The following RPA3 variants were observed in gnomAD, a reference collection of about 807,000 sequenced individuals.
RPA3 encodes the protein replication protein A3, also known as replication protein A 14 kDa subunit.
RPA3 carries 24 observed loss-of-function variants against 13.7 expected under a neutral mutation model. That is an observed-to-expected ratio of 1.75 (90% CI 1.27 to 2.46). The LOEUF (loss-of-function observed/expected upper bound fraction) is 2.46. Among genes scored for constraint, RPA3 ranks in the 30% most tolerant of loss-of-function variants. The pLI is 0.00. For missense variants in RPA3, 183 were observed against 151.0 expected (o/e 1.21, Z -1.11); for synonymous variants, 59 against 51.2 (o/e 1.15, Z -0.65).
At chr7:7,655,091 A>G (rs73048015) in intron 4 of RPA3, among the ~76,000 whole-genome samples, 17 of 152,288 alleles carry the variant, frequency 1.1e-4, no homozygotes, top group Admixed American at 2.0e-4. Flanking sequence ...AGTAACAGCA[A>G]TGATTCCAGA....
Position 7,636,941 on chromosome 7 carries a change from G to C in RPA3, c.*59C>G, listed in dbSNP as rs1784875782. ...AGAAATCTCTCCCTCAAACAAGAAG[G>C]GCTTCCTTTAATAGACTTTAATATA... On this transcript the variant is annotated 3_prime_UTR_variant, in exon 8 of 8. Coordinates refer to ENST00000223129, the MANE Select transcript of RPA3 (RefSeq NM_002947.5). 8.3e-7 allele frequency: 1 copy of C among 1,211,342 alleles called. No homozygotes were observed. The highest frequency in any genetic ancestry group is 1.2e-6 in the Non-Finnish European group (1 of 828,230). The allele number at this position is 1,211,342 out of a possible 1,614,324, so 75.0% of individuals were successfully genotyped here. A position where few individuals can be genotyped will look rare whatever the true frequency, so the allele number is the denominator to read the frequency against.
At chr7:7,660,823 A>T (rs140152438) in intron 4 of RPA3, among the ~76,000 whole-genome samples, 8 of 152,082 alleles carry the variant, frequency 5.3e-5, no homozygotes, top group Non-Finnish European at 1.0e-4. Context: ...TGTTCTCTGT[A>T]TTTCCTGAAT....
At position 7,715,331 on chromosome 7, in the gene RPA3, T is replaced by C. The variant is rs561219477; in HGVS notation, c.-1079-105A>G. 12 of 151,812 alleles carry C rather than the reference T, an allele frequency of 7.9e-5. 1 individual carries two copies. The highest frequency in any genetic ancestry group is 2.9e-4 in the African/African-American group (12 of 41,364). 9.4% of individuals were successfully genotyped at this position (151,812 alleles called of 1,614,324 possible). ...TTGGTGAATAGTAGTAGCAGAAGAG[T>C]TGACCATAGACCTTATAGCTAGCTG... On this transcript the variant is annotated intron_variant, in intron 1 of 7. Transcript: ENST00000223129.
intron 4 of RPA3, among the ~76,000 whole-genome samples, chr7:7,677,974 A>T (rs1240410659): frequency 6.6e-6 from 1 of 152,274 alleles, no homozygotes; most frequent in East Asian, 1.9e-4. Context: ...CGCCCGGCCT[A>T]TCTATTCATC....
In RPA3 at chr7:7,703,890, C is replaced by A. The variant is rs1398061555; in HGVS notation, c.-1028+11285G>T. Among the ~76,000 whole-genome samples the A allele has an allele frequency of 2.0e-5, 3 of 152,098 alleles. No individual in the cohort carries two copies. The South Asian group carries it at 6.2e-4, about 32-fold the overall frequency. ...CTGGGAGGTTGAGGTTGCAGTGAGC[C>A]ATGACTGTGTCACTGCAGTGAAGCC... is the stretch of plus-strand genomic sequence containing the variant. On this transcript the variant is annotated intron_variant, in intron 2 of 7. Coordinates refer to ENST00000223129, the MANE Select transcript of RPA3 (RefSeq NM_002947.5).
intron 4 of RPA3, among the ~76,000 whole-genome samples, chr7:7,655,677 A>G (rs1020340421): frequency 2.6e-5 from 4 of 152,246 alleles, no homozygotes; most frequent in Admixed American, 2.0e-4. Context: ...AATGGATGCT[A>G]TATATGTGTA....
At chr7:7,658,142 A>G (rs1185866663) in intron 4 of RPA3, among the ~76,000 whole-genome samples, 1 of 152,088 alleles carries the variant, frequency 6.6e-6, no homozygotes, top group Non-Finnish European at 1.5e-5. Context: ...AATGCTTGTG[A>G]TTTTTGCACA....
chr7:7,640,443 G>T lies in RPA3; in HGVS notation c.-25C>A. The T allele has an allele frequency of 2.5e-6, 4 of 1,609,024 alleles. No individual in the cohort carries two copies. The highest frequency in any genetic ancestry group is 2.6e-6 in the Non-Finnish European group (3 of 1,176,276). ...TGATTATGGTCCAAGACTGCGGCTG[G>T]CGGGAAACCCACGGACGACTGAAAC... On this transcript the variant is annotated 5_prime_UTR_variant, in exon 5 of 8. Coordinates refer to ENST00000223129, the MANE Select transcript of RPA3 (RefSeq NM_002947.5).
chr7:7,693,946 G>T (rs1780241728), intron 2 of RPA3, among the ~76,000 whole-genome samples: 1 of 152,024 alleles, frequency 6.6e-6, no homozygotes, highest in Admixed American at 6.6e-5. Context: ...TCCCTCTGAG[G>T]ACTGAGATCT....
At position 7,640,319 on chromosome 7, in the gene RPA3, C is replaced by G. The variant is rs1563072694; in HGVS notation, c.99+1G>C. 1.9e-6 allele frequency: 3 copies of G among 1,613,888 alleles called. No homozygotes were observed. The highest frequency in any genetic ancestry group is 2.5e-6 in the Non-Finnish European group (3 of 1,179,942). On this transcript the variant is annotated splice_donor_variant, in intron 5 of 7. Coordinates refer to ENST00000223129, the MANE Select transcript of RPA3 (RefSeq NM_002947.5). LOFTEE classifies it high-confidence loss of function. The stretch of plus-strand genomic sequence containing the variant: ...GAGCCCATGATTGCGAACCCGCACA[C>G]CTTTTCCAGCCTCCCTACGAAGCAG...
intron 6 of RPA3, 153 bp downstream of exon 6, chr7:7,638,917 G>C: frequency 4.2e-6 from 2 of 478,152 alleles, no homozygotes; most frequent in Non-Finnish European, 7.4e-6. Context: ...TATAATGAGA[G>C]AATAGTACAA....
At chr7:7,654,900 C>T (rs1387801545) in intron 4 of RPA3, among the ~76,000 whole-genome samples, 2 of 41,506 alleles carry the variant, frequency 4.8e-5, no homozygotes, top group African/African-American at 1.3e-4. Context: ...AAGACTCTGT[C>T]TCAAAAAAAA....
At chr7:7,649,175 A>AAAAAAAAAAAAG (rs1563082634) in intron 4 of RPA3, among the ~76,000 whole-genome samples, 2 of 104,598 alleles carry the variant, frequency 1.9e-5, no homozygotes, top group Non-Finnish European at 3.7e-5. Flanking sequence ...AAAAAAAAAA[A>AAAAAAAAAAAAG]AAAAGAAAAG....
chr7:7,642,403 C>G (rs1175182276), intron 4 of RPA3, among the ~76,000 whole-genome samples: 1 of 151,922 alleles, frequency 6.6e-6, no homozygotes, highest in South Asian at 2.1e-4. Context: ...ATCCCTCCCT[C>G]CCCCGTCTCC....
chr7:7,639,599 G>T (rs930201962), intron 5 of RPA3, among the ~76,000 whole-genome samples: 1 of 152,298 alleles, frequency 6.6e-6, no homozygotes, highest in Admixed American at 6.5e-5. Flanking sequence ...GTCAGATTGC[G>T]TTTGAATGCC....
intron 2 of RPA3, among the ~76,000 whole-genome samples, chr7:7,696,337 T>C (rs1266391091): frequency 6.6e-6 from 1 of 151,610 alleles, no homozygotes; most frequent in Non-Finnish European, 1.5e-5. Flanking sequence ...TGTGGTCTGA[T>C]GGTGAAGTAT....
At chr7:7,699,930 A>G (rs569000770) in intron 2 of RPA3, among the ~76,000 whole-genome samples, 1 of 152,342 alleles carries the variant, frequency 6.6e-6, no homozygotes, top group South Asian at 2.1e-4. Flanking sequence ...CCAGAAAACT[A>G]CACTTAAAAA....
Position 7,639,001 on chromosome 7 carries a change from G to T in RPA3, c.174+69C>A, listed in dbSNP as rs975966196. 9 of 1,238,194 alleles carry T rather than the reference G, an allele frequency of 7.3e-6. No homozygotes were observed. The African/African-American group carries it at 1.4e-4, about 19-fold the overall frequency. The allele number at this position is 1,238,194 out of a possible 1,614,324, so 76.7% of individuals were successfully genotyped here. A position where few individuals can be genotyped will look rare whatever the true frequency, so the allele number is the denominator to read the frequency against. Reference sequence around the variant, plus strand: ...ATCCATTGCAAAAATTAGAAACATCGGCAACAAACCAAATCAAGATGAAGA... The same window carrying T: ...ATCCATTGCAAAAATTAGAAACATCTGCAACAAACCAAATCAAGATGAAGA... On this transcript the variant is annotated intron_variant, in intron 6 of 7. Coordinates refer to ENST00000223129, the MANE Select transcript of RPA3 (RefSeq NM_002947.5).
chr7:7,700,395 G>A (rs1236465997), intron 2 of RPA3, among the ~76,000 whole-genome samples: 2 of 152,150 alleles, frequency 1.3e-5, no homozygotes, highest in Non-Finnish European at 2.9e-5. Flanking sequence ...CAAATATTCA[G>A]TGTAGAGAAA....
Sources: allele counts gnomAD v4.1 joint callset (sites outside exome capture counted in the v4.1 genomes callset), GRCh38; gene constraint gnomAD v4.1.1; transcripts MANE v1.5; gene names NCBI Gene and HGNC (gene_info 2026-07-23, HGNC 2026-07-21).